Variants in CSMD1 observed in about 807,000 individuals in gnomAD.
The protein encoded by CSMD1 is CUB and sushi domain-containing protein 1.
A neutral mutation model predicts 417.5 loss-of-function variants in CSMD1; 213 were observed. The ratio of observed to expected loss-of-function variants is 0.51; its 90% CI spans 0.46 to 0.57. The LOEUF (loss-of-function observed/expected upper bound fraction) is 0.57. CSMD1 is among the 20% of genes least tolerant of loss of function. The pLI is 0.00. For missense variants in CSMD1, 6,923 were observed against 4,529.7 expected (o/e 1.53, Z -15.17); for synonymous variants, 2,862 against 1,736.8 (o/e 1.65, Z -16.11).
chr8:4,365,511 C>A (rs908614985), intron 3 of CSMD1, among the ~76,000 whole-genome samples: 11 of 152,162 alleles, frequency 7.2e-5, no homozygotes, highest in Admixed American at 6.5e-4. Context: ...CGAATCCAGG[C>A]GTTGTGATTA....
At chr8:4,026,321 T>A (rs919014129) in intron 4 of CSMD1, among the ~76,000 whole-genome samples, 1 of 152,190 alleles carries the variant, frequency 6.6e-6, no homozygotes, top group Non-Finnish European at 1.5e-5. Context: ...AAAATTTAAA[T>A]GTAAATGTAA....
intron 2 of CSMD1, among the ~76,000 whole-genome samples, chr8:4,431,722 G>C (rs908240337): frequency 2.0e-5 from 3 of 152,118 alleles, no homozygotes; most frequent in Admixed American, 6.6e-5. Context: ...TAAGACAATG[G>C]AATCAATTGT....
intron 3 of CSMD1, among the ~76,000 whole-genome samples, chr8:4,390,933 C>A (rs1481673780): frequency 1.3e-5 from 2 of 152,306 alleles, no homozygotes; most frequent in East Asian, 3.9e-4. Context: ...TAGAAAACCA[C>A]TGCTAATCCA....
intron 3 of CSMD1, among the ~76,000 whole-genome samples, chr8:4,169,714 C>T (rs561631957): frequency 7.2e-5 from 11 of 152,138 alleles, no homozygotes; most frequent in South Asian, 6.2e-4. Flanking sequence ...GGCTTGCTCC[C>T]TACCCCATTC....
chr8:3,655,564 A>G (rs751764966), intron 7 of CSMD1, among the ~76,000 whole-genome samples: 5 of 152,124 alleles, frequency 3.3e-5, no homozygotes, highest in Non-Finnish European at 7.3e-5. Flanking sequence ...TAAGGTACCA[A>G]GAGAGAACCC....
chr8:4,459,946 A>G (rs1799709480), intron 2 of CSMD1, among the ~76,000 whole-genome samples: 3 of 152,308 alleles, frequency 2.0e-5, no homozygotes, highest in South Asian at 2.1e-4. Context: ...ACTCATTTTC[A>G]TAGAGGAACA....
chr8:3,762,647 C>T (rs1798073492), intron 5 of CSMD1, among the ~76,000 whole-genome samples: 1 of 152,222 alleles, frequency 6.6e-6, no homozygotes, highest in African/African-American at 2.4e-5. Flanking sequence ...GTATAATCGC[C>T]CTGCTGACGC....
chr8:4,264,885 C>G (rs191103588), intron 3 of CSMD1, among the ~76,000 whole-genome samples: 128 of 152,264 alleles, frequency 8.4e-4, no homozygotes, highest in Non-Finnish European at 1.3e-3. Flanking sequence ...GGACGATGAA[C>G]AGAGAAAACA....
At chr8:4,426,623 T>TATATA (rs10637871) in intron 2 of CSMD1, among the ~76,000 whole-genome samples, 119,210 of 145,112 alleles carry the variant, frequency 0.82, 49,281 homozygotes, top group Middle Eastern at 0.89. Context: ...TATTGTTTAC[T>TATATA]ATATAATATA....
chr8:3,251,594 T>C (rs1187307841), intron 26 of CSMD1, among the ~76,000 whole-genome samples: 2 of 152,226 alleles, frequency 1.3e-5, no homozygotes, highest in East Asian at 3.9e-4. Flanking sequence ...TTTCCAATTC[T>C]GTGAAGAAAG....
rs746113775 is a variant in CSMD1 at position 3,594,854 on chromosome 8, T to TCACA, written c.1098-8595_1098-8594insTGTG. On this transcript the variant is annotated intron_variant, in intron 8 of 69. Coordinates refer to ENST00000635120, the MANE Select transcript of CSMD1 (RefSeq NM_033225.6). ...TGAAATCTCTCACAGCTTCCAGCACTGCTCATGGAGCTTCTGAGAGCCCTG... is the reference window on the plus strand; with the variant it reads ...TGAAATCTCTCACAGCTTCCAGCACTCACAGCTCATGGAGCTTCTGAGAGCCCTG... 2.1e-4 allele frequency among the ~76,000 whole-genome samples: 32 copies of TCACA among 152,308 alleles called. No individual in the cohort carries two copies. In the East Asian group the frequency reaches 5.6e-3, roughly 27 times the overall value.
At chr8:3,301,096 C>G (rs1244007305) in intron 25 of CSMD1, among the ~76,000 whole-genome samples, 2 of 151,410 alleles carry the variant, frequency 1.3e-5, no homozygotes, top group East Asian at 1.9e-4. Context: ...CCATTGATGT[C>G]TATAGGGGAA....
chr8:4,000,292 C>G (rs112240545), intron 4 of CSMD1, among the ~76,000 whole-genome samples: 2 of 148,720 alleles, frequency 1.3e-5, no homozygotes, highest in South Asian at 2.2e-4. Context: ...AACTGAGAAC[C>G]AGCTGCACAA....
At chr8:3,785,172 C>T (rs1287903739) in intron 5 of CSMD1, among the ~76,000 whole-genome samples, 1 of 152,148 alleles carries the variant, frequency 6.6e-6, no homozygotes, top group Non-Finnish European at 1.5e-5. Flanking sequence ...TGCCTGTCTG[C>T]ATGATGGAGA....
intron 10 of CSMD1, among the ~76,000 whole-genome samples, chr8:3,527,545 T>C (rs1020697423): frequency 3.3e-5 from 5 of 151,926 alleles, no homozygotes; most frequent in East Asian, 1.9e-4. Flanking sequence ...GTGGCCATGG[T>C]CACAAGAATT....
At chr8:3,032,671 C>G (rs951731926) in intron 50 of CSMD1, among the ~76,000 whole-genome samples, 1 of 151,970 alleles carries the variant, frequency 6.6e-6, no homozygotes, top group Non-Finnish European at 1.5e-5. Context: ...AGCCTGAAAA[C>G]AGTGTCTTCC....
chr8:4,121,605 C>T (rs1303213344), intron 3 of CSMD1, among the ~76,000 whole-genome samples: 2 of 138,650 alleles, frequency 1.4e-5, no homozygotes, highest in Non-Finnish European at 3.1e-5. Context: ...AAATCATGTG[C>T]ATAAACACCT....
At chr8:3,512,027 G>C (rs1222195955) in intron 10 of CSMD1, among the ~76,000 whole-genome samples, 1 of 152,028 alleles carries the variant, frequency 6.6e-6, no homozygotes, top group South Asian at 2.1e-4. Flanking sequence ...CCCGCTCCCT[G>C]GGCATTCCCC....
At chr8:4,306,433 C>A (rs1363297748) in intron 3 of CSMD1, among the ~76,000 whole-genome samples, 1 of 152,124 alleles carries the variant, frequency 6.6e-6, no homozygotes, top group Non-Finnish European at 1.5e-5. Context: ...CGTGAAAGTT[C>A]AATTGATAAA....
Sources: gnomAD v4.1 joint callset for allele counts (sites outside exome capture counted in the v4.1 genomes callset) on GRCh38, gnomAD v4.1.1 for gene constraint, MANE v1.5 for transcripts, NCBI Gene and HGNC (gene_info 2026-07-23, HGNC 2026-07-21) for gene names.